Variants in BCL2L14 observed in about 807,000 individuals in gnomAD.
BCL2L14 encodes apoptosis facilitator Bcl-2-like protein 14.
BCL2L14 carries 27 observed loss-of-function variants against 35.3 expected under a neutral mutation model. The ratio of observed to expected loss-of-function variants is 0.76; its 90% CI spans 0.56 to 1.05. BCL2L14 has a LOEUF of 1.05. BCL2L14 is among the 50% of genes least tolerant of loss of function. The probability of loss-of-function intolerance (pLI) is 0.00; values close to 1 mark genes in which losing one functional copy is unlikely to be tolerated. For synonymous variants in BCL2L14, 139 were observed against 145.9 expected (o/e 0.95, Z 0.34); for missense variants, 377 against 382.6 (o/e 0.99, Z 0.12).
intron 2 of BCL2L14, among the ~76,000 whole-genome samples, chr12:12,056,107 C>A (rs565453319): frequency 2.6e-5 from 4 of 152,284 alleles, no homozygotes; most frequent in African/African-American, 7.2e-5. Flanking sequence ...ATTTTCCACC[C>A]ACTGACCCCA....
rs1383420885 is a variant in BCL2L14, at chr12:12,073,400, GT to G, written c.-8+2264del. ...GGCCAAGTCACAGCCTTTCTGGCCT[GT>G]AAGACAACAAAAATCTCACATTTTA... On this transcript the variant is annotated intron_variant, in intron 1 of 5. Coordinates refer to ENST00000308721, the MANE Select transcript of BCL2L14 (RefSeq NM_138723.2). Among the ~76,000 whole-genome samples, 29 of 152,230 alleles carry G rather than the reference GT, an allele frequency of 1.9e-4. No homozygotes were observed. The East Asian group carries it at 5.6e-3, about 29-fold the overall frequency.
rs181318281 is a variant in BCL2L14, at chr12:12,051,093, C to A, written c.-323-703C>A. On this transcript the variant is annotated intron_variant, in intron 1 of 3. Coordinates refer to the BCL2L14 transcript ENST00000461264. ...CAGGACTTTTCACTGTAGTAAAGTT[C>A]AGCGTGAAATTGACCTTGTAGGGGC... Among the ~76,000 whole-genome samples the A allele has an allele frequency of 7.4e-3, 1,126 of 152,246 alleles. 14 individuals are homozygous for A. The highest frequency in any genetic ancestry group is 0.026 in the African/African-American group (1,073 of 41,534).
intron 4 of BCL2L14, among the ~76,000 whole-genome samples, chr12:12,092,081 C>A (rs1949200768): frequency 6.6e-6 from 1 of 152,212 alleles, no homozygotes; most frequent in Non-Finnish European, 1.5e-5. Context: ...GTCCTTTAGA[C>A]AACCTCAAGG....
At chr12:12,081,620 G>A (rs906173834) in intron 2 of BCL2L14, among the ~76,000 whole-genome samples, 2 of 150,974 alleles carry the variant, frequency 1.3e-5, no homozygotes, top group Admixed American at 1.3e-4. Flanking sequence ...GTGCTGTGGT[G>A]TAATCTCGGC....
chr12:12,092,285 A>G (rs1949205970), intron 4 of BCL2L14, among the ~76,000 whole-genome samples: 1 of 152,220 alleles, frequency 6.6e-6, no homozygotes, highest in Admixed American at 6.5e-5. Flanking sequence ...ACCACTTTCA[A>G]AAACCTCACT....
intron 1 of BCL2L14, among the ~76,000 whole-genome samples, chr12:12,051,129 AG>A (rs1417464477): frequency 1.3e-5 from 2 of 152,216 alleles, no homozygotes; most frequent in Non-Finnish European, 2.9e-5. Flanking sequence ...ACCAGACAGC[AG>A]TGAGCAGGGT....
intron 2 of BCL2L14, among the ~76,000 whole-genome samples, chr12:12,084,032 A>G (rs916149771): frequency 6.6e-6 from 1 of 152,236 alleles, no homozygotes; most frequent in East Asian, 1.9e-4. Context: ...GGCTTCACCC[A>G]TCATGTCTAC....
At chr12:12,083,114 A>T (rs776091509) in intron 2 of BCL2L14, among the ~76,000 whole-genome samples, 7 of 151,976 alleles carry the variant, frequency 4.6e-5, no homozygotes, top group Non-Finnish European at 8.8e-5. Flanking sequence ...ACGGGCGCCC[A>T]CCACCACGCC....
chr12:12,051,629 A>C (rs935314216), intron 1 of BCL2L14, among the ~76,000 whole-genome samples: 2 of 152,156 alleles, frequency 1.3e-5, no homozygotes, highest in African/African-American at 4.8e-5. Flanking sequence ...TTTCCATGAG[A>C]GTCAATTCCA....
chr12:12,087,387 G>GT lies in BCL2L14; in HGVS notation c.607+2dup. On this transcript the variant is annotated splice_donor_variant, in intron 3 of 5. Coordinates refer to ENST00000308721, the MANE Select transcript of BCL2L14 (RefSeq NM_138723.2). LOFTEE classifies it high-confidence loss of function. Reference sequence around the variant, plus strand: ...CCTGTAGCTTCAAGTTCTAAGAAAGGTAAGCTTTCCTTCCCTGGGTGGAGT... The same window carrying GT: ...CCTGTAGCTTCAAGTTCTAAGAAAGGTTAAGCTTTCCTTCCCTGGGTGGAGT... 3 of 1,613,856 alleles carry GT rather than the reference G, an allele frequency of 1.9e-6. No homozygotes were observed. The highest frequency in any genetic ancestry group is 2.5e-6 in the Non-Finnish European group (3 of 1,179,912).
upstream of BCL2L14, among the ~76,000 whole-genome samples, chr12:12,068,985 A>T (rs1423228329): frequency 1.3e-5 from 2 of 152,196 alleles, no homozygotes; most frequent in Non-Finnish European, 2.9e-5. Context: ...CCCATTTCAG[A>T]CAATATAGGG....
At chr12:12,087,673 G>T (rs1163275390) in intron 3 of BCL2L14, among the ~76,000 whole-genome samples, 2 of 152,264 alleles carry the variant, frequency 1.3e-5, no homozygotes, top group Non-Finnish European at 2.9e-5. Flanking sequence ...CCTTGTCTGT[G>T]GCGGAAAATG....
chr12:12,087,214 T>G lies in BCL2L14; in HGVS notation c.435T>G (p.Ala145=). Residue 145 remains alanine, a splice_region_variant and synonymous_variant, in exon 3 of 6, where the codon GCT becomes GCG. Transcript: ENST00000308721. ...SNVEQCLEHE[A]VDPKVISIAN... is the part of the protein sequence containing the mutation. ...CAGCACCATTTTGTCTTGTTTCAGC[T>G]GTGGACCCCAAAGTCATTTCCATTG... 1 of 1,614,136 alleles carries G rather than the reference T, an allele frequency of 6.2e-7. No individual in the cohort carries two copies. The highest frequency in any genetic ancestry group is 8.5e-7 in the Non-Finnish European group (1 of 1,179,980).
At chr12:12,075,845 TTGGATAGC>T (rs1948769613) in intron 1 of BCL2L14, among the ~76,000 whole-genome samples, 1 of 152,002 alleles carries the variant, frequency 6.6e-6, no homozygotes, top group Non-Finnish European at 1.5e-5. Flanking sequence ...GATACTGAAT[TTGGATAGC>T]TGCCTTCTTG....
rs1036410850 is a variant in BCL2L14, at chr12:12,095,229, T to C, written c.945+299T>C. 9.1e-6 allele frequency: 9 copies of C among 985,274 alleles called. No homozygotes were observed. In the African/African-American group the frequency reaches 1.6e-4, roughly 17 times the overall value. The allele number at this position is 985,274 out of a possible 1,614,324, so 61.0% of individuals were successfully genotyped here. A position where few individuals can be genotyped will look rare whatever the true frequency, so the allele number is the denominator to read the frequency against. ...GAGATAAGAAATGTTTAGATAGACG[T>C]AATTTCTGTTTTCACAAATTTTGCA... On this transcript the variant is annotated intron_variant, in intron 5 of 5. Coordinates refer to ENST00000308721, the MANE Select transcript of BCL2L14 (RefSeq NM_138723.2).
intron 2 of BCL2L14, among the ~76,000 whole-genome samples, chr12:12,064,380 A>G (rs1441322797): frequency 3.6e-5 from 4 of 110,494 alleles, no homozygotes; most frequent in Non-Finnish European, 5.6e-5. Context: ...GCCTCATGCA[A>G]TCTGCTTCCC....
In BCL2L14 at chr12:12,099,192, T is replaced by G. The variant is rs766604460; in HGVS notation, c.*204T>G. 3.4e-4 allele frequency: 190 copies of G among 555,540 alleles called. No homozygotes were observed. Among genetic ancestry groups the G allele is most frequent in the Non-Finnish European group, 5.1e-4 (159 of 310,598 alleles). The allele number at this position is 555,540 out of a possible 1,614,324, so 34.4% of individuals were successfully genotyped here. Reference sequence around the variant, plus strand: ...AATGTAGCAGCATCATCCTTGACAGTGATGTTTTTCAGGCCCTCCATTGAG... The same window carrying G: ...AATGTAGCAGCATCATCCTTGACAGGGATGTTTTTCAGGCCCTCCATTGAG... On this transcript the variant is annotated 3_prime_UTR_variant, in exon 6 of 6. Coordinates refer to ENST00000308721, the MANE Select transcript of BCL2L14 (RefSeq NM_138723.2).
At chr12:12,079,936 G>A (rs1948873543) in intron 2 of BCL2L14, among the ~76,000 whole-genome samples, 198 bp downstream of exon 2, 1 of 152,198 alleles carries the variant, frequency 6.6e-6, no homozygotes, top group Non-Finnish European at 1.5e-5. Flanking sequence ...TGGGCGCGGT[G>A]GCTCACGCCT....
rs1948859539 is a variant in BCL2L14, at chr12:12,079,390, T to A, written c.85T>A (p.Tyr29Asn). 6.2e-7 allele frequency: 1 copy of A among 1,614,072 alleles called. No homozygotes were observed. The highest frequency in any genetic ancestry group is 1.3e-5 in the African/African-American group (1 of 74,942). Residue 29 changes from tyrosine to asparagine, a missense_variant, in exon 2 of 6, where the codon TAC (tyrosine) becomes AAC (asparagine). Physicochemically the swap from Tyr to Asn is moderately radical, Grantham distance 143. Transcript: ENST00000308721. ...LNTIEFKILAYYTRHHVFKST... is the reference protein window; with the variant it reads ...LNTIEFKILANYTRHHVFKST... Reference sequence around the variant, plus strand: ...CACCATAGAATTCAAAATCCTCGCCTACTACACCAGACATCATGTCTTCAA... The same window carrying A: ...CACCATAGAATTCAAAATCCTCGCCAACTACACCAGACATCATGTCTTCAA...
Sources: gnomAD v4.1 joint callset for allele counts (sites outside exome capture counted in the v4.1 genomes callset) on GRCh38, gnomAD v4.1.1 for gene constraint, MANE v1.5 for transcripts, NCBI Gene and HGNC (gene_info 2026-07-23, HGNC 2026-07-21) for gene names.